Variants in PPP2R2D observed in about 807,000 individuals in gnomAD.
The protein encoded by PPP2R2D is serine/threonine-protein phosphatase 2A 55 kDa regulatory subunit B delta isoform.
PPP2R2D carries 9 observed loss-of-function variants against 31.1 expected under a neutral mutation model. The observed-to-expected ratio is 0.29, with a 90% confidence interval of 0.17 to 0.51. The LOEUF (loss-of-function observed/expected upper bound fraction) is 0.51, where lower values mean the gene tolerates loss of function less well. PPP2R2D is among the 20% of genes least tolerant of loss of function. The probability of loss-of-function intolerance (pLI) is 0.98; values close to 1 mark genes in which losing one functional copy is unlikely to be tolerated. For missense variants in PPP2R2D, 391 were observed against 465.6 expected (o/e 0.84, Z 1.48); for synonymous variants, 179 against 172.6 (o/e 1.04, Z -0.29).
At chr10:131,919,288 AGG>A (rs1270554277) in intron 2 of PPP2R2D, among the ~76,000 whole-genome samples, 1 of 106,214 alleles carries the variant, frequency 9.4e-6, no homozygotes, top group Admixed American at 9.6e-5. Flanking sequence ...CAGCGTTTGT[AGG>A]GACCTCAGGC....
chr10:131,915,291 C>T (rs534788488), intron 2 of PPP2R2D, among the ~76,000 whole-genome samples: 14 of 152,142 alleles, frequency 9.2e-5, no homozygotes, highest in Admixed American at 6.5e-4. Context: ...TCCTGGCTTT[C>T]GTAGGCATTG....
In PPP2R2D at chr10:131,945,237, T is replaced by C. The variant is rs2036513612; in HGVS notation, c.656-58T>C. On this transcript the variant is annotated intron_variant, in intron 6 of 8. Transcript: ENST00000455566. The surrounding 1 kb of genome is among the most constrained non-coding windows in gnomAD (Gnocchi z 4.8). ...TGGCGTCCTATTTCGCGTGACTGAA[T>C]GTAGACTAATTAACAACCAGCTGAG... 3 of 1,563,152 alleles carry C rather than the reference T, an allele frequency of 1.9e-6. No individual in the cohort carries two copies. The highest frequency in any genetic ancestry group is 2.6e-6 in the Non-Finnish European group (3 of 1,148,252).
At chr10:131,961,699 C>T (rs2036921928), downstream of PPP2R2D, among the ~76,000 whole-genome samples, 1 of 152,232 alleles carries the variant, frequency 6.6e-6, no homozygotes, top group Non-Finnish European at 1.5e-5. Context: ...CTGGGCCGGG[C>T]CTCACCTTCC....
At chr10:131,970,471 G>T in the PPP2R2D span, 1 of 1,021,488 alleles carries the variant, frequency 9.8e-7, no homozygotes, top group Non-Finnish European at 1.4e-6. The surrounding 1 kb of genome is among the most constrained non-coding windows in gnomAD (Gnocchi z 4.1). Context: ...GGGGGCTGCA[G>T]GCTGGTGGTT....
At chr10:131,962,031 G>A (rs899794558), downstream of PPP2R2D, among the ~76,000 whole-genome samples, 2 of 152,202 alleles carry the variant, frequency 1.3e-5, no homozygotes, top group African/African-American at 2.4e-5. Flanking sequence ...ACTGCCCTCC[G>A]GGGAGCACCG....
rs993874877 is a variant in PPP2R2D, at chr10:131,907,612, G to C, written c.100+6282G>C. ...CAAAAAATCAGCTGGGTGTGGTCGC[G>C]GGCACCTGTAGTCCCAGCTACTGGG... On this transcript the variant is annotated intron_variant, in intron 2 of 8. Coordinates refer to ENST00000455566, the MANE Select transcript of PPP2R2D (RefSeq NM_018461.5). Among the ~76,000 whole-genome samples the C allele has an allele frequency of 3.1e-3, 475 of 152,092 alleles. 2 individuals carry two copies. Among genetic ancestry groups the C allele is most frequent in the Non-Finnish European group, 3.7e-3 (252 of 67,982 alleles).
chr10:131,964,664 A>ATTTTTTTT (rs782297365), downstream of PPP2R2D, among the ~76,000 whole-genome samples: 2 of 126,752 alleles, frequency 1.6e-5, no homozygotes, highest in Non-Finnish European at 1.6e-5. Flanking sequence ...AGAGTTTACT[A>ATTTTTTTT]TGTTTTTTTT....
At chr10:131,960,850 G>A (rs2036912001), downstream of PPP2R2D, among the ~76,000 whole-genome samples, 1 of 152,222 alleles carries the variant, frequency 6.6e-6, no homozygotes, top group Non-Finnish European at 1.5e-5. Context: ...TCCGGGCTGT[G>A]CTGGGTAGCA....
At position 131,959,368 on chromosome 10, in the gene PPP2R2D, T is replaced by G; in HGVS notation, c.*3405T>G. 1 of 141,744 alleles carries G rather than the reference T, an allele frequency of 7.1e-6. No homozygotes were observed. Among genetic ancestry groups the G allele is most frequent in the South Asian group, 2.1e-4 (1 of 4,876 alleles). The allele number at this position is 141,744 out of a possible 1,614,324, so 8.8% of individuals were successfully genotyped here. A position where few individuals can be genotyped will look rare whatever the true frequency, so the allele number is the denominator to read the frequency against. On this transcript the variant is annotated 3_prime_UTR_variant, in exon 9 of 9. Transcript: ENST00000455566. ...CTCATCCCCCATCCCCCTGTGGAGA[T>G]GAAGGCGTGTGCTGATCCGCCATCC...
At chr10:131,969,257 G>C in the PPP2R2D span, 1 of 152,430 alleles carries the variant, frequency 6.6e-6, no homozygotes, top group Non-Finnish European at 1.5e-5. Flanking sequence ...GCAGCATCAG[G>C]CTCTGAAAAC....
intron 5 of PPP2R2D, among the ~76,000 whole-genome samples, chr10:131,941,165 A>G (rs531915025): frequency 6.6e-6 from 1 of 151,642 alleles, no homozygotes; most frequent in East Asian, 1.9e-4. Flanking sequence ...ATGGTTCAGA[A>G]CTCTCCACCT....
At chr10:131,909,111 A>G (rs2035643355) in intron 2 of PPP2R2D, among the ~76,000 whole-genome samples, 1 of 152,096 alleles carries the variant, frequency 6.6e-6, no homozygotes, top group African/African-American at 2.4e-5. Context: ...GGAGGAAGGG[A>G]AGGGGAGGAG....
intron 2 of PPP2R2D, among the ~76,000 whole-genome samples, chr10:131,915,239 G>C (rs529203042): frequency 7.2e-5 from 11 of 152,068 alleles, no homozygotes; most frequent in East Asian, 5.8e-4. Context: ...GATTGAAAAG[G>C]GGGGATTCGT....
intron 2 of PPP2R2D, among the ~76,000 whole-genome samples, chr10:131,913,703 G>A (rs924075219): frequency 7.9e-5 from 12 of 152,314 alleles, no homozygotes; most frequent in Non-Finnish European, 1.0e-4. Context: ...AGCCCAGGTG[G>A]TAGGGCTCAC....
intron 2 of PPP2R2D, among the ~76,000 whole-genome samples, chr10:131,925,442 T>C (rs1187498195): frequency 2.6e-5 from 4 of 152,252 alleles, no homozygotes; most frequent in African/African-American, 9.6e-5. Context: ...TATGGTGTAT[T>C]ACATTGATTT....
intron 2 of PPP2R2D, among the ~76,000 whole-genome samples, chr10:131,904,203 C>CAA (rs1308536061): frequency 0.25 from 28,912 of 117,156 alleles, 3,980 homozygotes; most frequent in East Asian, 0.44. Context: ...GACTCCGTCT[C>CAA]AAAAAAAAAA....
intron 2 of PPP2R2D, among the ~76,000 whole-genome samples, chr10:131,909,655 T>A (rs2035651086): frequency 1.3e-5 from 2 of 152,206 alleles, no homozygotes; most frequent in Non-Finnish European, 2.9e-5. Context: ...GCTGGCCAGA[T>A]GTCGCCCAGG....
chr10:131,971,003 T>C, the PPP2R2D span: 39 of 1,594,510 alleles, frequency 2.4e-5, no homozygotes, highest in South Asian at 3.3e-5. Flanking sequence ...GGCAGATCAG[T>C]GTACCACACG....
intron 2 of PPP2R2D, among the ~76,000 whole-genome samples, chr10:131,913,054 G>A (rs1292375482): frequency 2.0e-5 from 3 of 151,978 alleles, no homozygotes; most frequent in Middle Eastern, 3.2e-3. Flanking sequence ...ATGAAATCTC[G>A]CTCTGTCACC....
Sources: allele counts gnomAD v4.1 joint callset (sites outside exome capture counted in the v4.1 genomes callset), GRCh38; gene constraint gnomAD v4.1.1; non-coding constraint Gnocchi (gnomAD v3.1); transcripts MANE v1.5; gene names NCBI Gene and HGNC (gene_info 2026-07-23, HGNC 2026-07-21).